ATP13A3: variants seen among roughly 807,000 people sequenced by gnomAD.
ATP13A3 encodes the protein polyamine-transporting ATPase 13A3.
A neutral mutation model predicts 158.1 loss-of-function variants in ATP13A3; 59 were observed. The ratio of observed to expected loss-of-function variants is 0.37; its 90% CI spans 0.30 to 0.46. The LOEUF (loss-of-function observed/expected upper bound fraction) is 0.46, where lower values mean the gene tolerates loss of function less well. Among genes scored for constraint, ATP13A3 ranks in the 20% least tolerant of loss-of-function variants. The pLI is 1.00. For synonymous variants in ATP13A3, 491 were observed against 504.3 expected (o/e 0.97, Z 0.35); for missense variants, 1,166 against 1,525.2 (o/e 0.76, Z 3.92).
chr3:194,489,273 A>C (rs554824121), upstream of ATP13A3, among the ~76,000 whole-genome samples: 1 of 152,316 alleles, frequency 6.6e-6, no homozygotes, highest in East Asian at 1.9e-4. This position sits in a 1 kb window ranked among gnomAD's most constrained non-coding sequence, Gnocchi z 4.1. Flanking sequence ...GTGAAACCTC[A>C]TCTCTACTAA....
chr3:194,486,061 C>T (rs1720953646), intron 1 of ATP13A3, among the ~76,000 whole-genome samples: 1 of 152,186 alleles, frequency 6.6e-6, no homozygotes, highest in African/African-American at 2.4e-5. Context: ...ACTGCTAGGG[C>T]AAAGGGCCCT....
Position 194,431,014 on chromosome 3 carries a change from C to T in ATP13A3, c.2553G>A (p.Leu851=), listed in dbSNP as rs745919885. The T allele has an allele frequency of 6.2e-7, 1 of 1,613,394 alleles. No individual in the cohort carries two copies. Among genetic ancestry groups the T allele is most frequent in the Non-Finnish European group, 8.5e-7 (1 of 1,179,636 alleles). The change falls in exon 24 of 34, where the codon TTG becomes TTA. Residue 851 remains leucine (L), a synonymous_variant. Coordinates refer to ENST00000645319, the MANE Select transcript of ATP13A3 (RefSeq NM_001367549.1). The stretch of plus-strand genomic sequence containing the variant: ...CCATACGGGCAAACACGGTGCCATG[C>T]AACATCAACTGGAAACAATAATACA... The part of the protein sequence containing the change: ...HFQDLVPKLM[L]HGTVFARMAP...
At chr3:194,445,563 T>A in intron 14 of ATP13A3, among the ~76,000 whole-genome samples, 1 of 152,198 alleles carries the variant, frequency 6.6e-6, no homozygotes. Context: ...AATGAGTGTT[T>A]ATTATACACA....
At chr3:194,446,774 T>G (rs878879095) in intron 14 of ATP13A3, among the ~76,000 whole-genome samples, 153 bp downstream of exon 14, 2 of 152,040 alleles carry the variant, frequency 1.3e-5, no homozygotes, top group South Asian at 4.2e-4. Context: ...TATAGAAAAA[T>G]GATGCATATA....
At chr3:194,410,776 A>G (rs1219021839) in intron 33 of ATP13A3, among the ~76,000 whole-genome samples, 1 of 152,150 alleles carries the variant, frequency 6.6e-6, no homozygotes, top group Non-Finnish European at 1.5e-5. Flanking sequence ...CAATAGTCAG[A>G]GATCTCTTGG....
At chr3:194,493,832 G>A (rs1159094136) in intron 2 of ATP13A3, among the ~76,000 whole-genome samples, 1 of 152,036 alleles carries the variant, frequency 6.6e-6, no homozygotes, top group Non-Finnish European at 1.5e-5. Flanking sequence ...AAGTAGTAGT[G>A]ACTATTCTGT....
At position 194,403,957 on chromosome 3, in the gene ATP13A3, C is replaced by G; in HGVS notation, c.*1962G>C. On this transcript the variant is annotated 3_prime_UTR_variant, in exon 34 of 34. Transcript: ENST00000645319. ...AAAAATAGCTCTTTATGATCATGCT[C>G]TTAAAGATGTTAAATACAATCGGAT... 1 of 348,572 alleles carries G rather than the reference C, an allele frequency of 2.9e-6. No individual in the cohort carries two copies. Among genetic ancestry groups the G allele is most frequent in the African/African-American group, 2.2e-5 (1 of 45,816 alleles). 21.6% of individuals were successfully genotyped at this position (348,572 alleles called of 1,614,324 possible). A position where few individuals can be genotyped will look rare whatever the true frequency, so the allele number is the denominator to read the frequency against.
At chr3:194,472,964 CAT>C (rs969650313) in intron 2 of ATP13A3, among the ~76,000 whole-genome samples, 21 of 151,822 alleles carry the variant, frequency 1.4e-4, no homozygotes, top group African/African-American at 4.8e-4. Flanking sequence ...TATACATAGA[CAT>C]AAAGATGGGG....
intron 31 of ATP13A3, among the ~76,000 whole-genome samples, chr3:194,417,901 C>G (rs922299577): frequency 6.7e-6 from 1 of 148,628 alleles, no homozygotes; most frequent in East Asian, 2.0e-4. Context: ...GTCGAGGCCA[C>G]AGTGAGCTGA....
intron 2 of ATP13A3, among the ~76,000 whole-genome samples, chr3:194,469,384 C>T (rs1407370245): frequency 6.6e-6 from 1 of 151,672 alleles, no homozygotes. Flanking sequence ...TGCTTGAACC[C>T]AGGAGGCGGA....
intron 17 of ATP13A3, 69 bp downstream of exon 17, chr3:194,438,787 A>G: frequency 9.1e-7 from 1 of 1,095,628 alleles, no homozygotes; most frequent in Non-Finnish European, 1.3e-6. Context: ...AAAAATAAAA[A>G]TTGAAAAAAA....
chr3:194,464,321 C>T (rs1046509593), intron 2 of ATP13A3, among the ~76,000 whole-genome samples: 3 of 152,082 alleles, frequency 2.0e-5, no homozygotes, highest in Non-Finnish European at 2.9e-5. Flanking sequence ...AAGGAGAAAC[C>T]TTACACACTA....
chr3:194,406,802 A>C (rs1714971372), intron 33 of ATP13A3, among the ~76,000 whole-genome samples: 1 of 152,196 alleles, frequency 6.6e-6, no homozygotes, highest in Non-Finnish European at 1.5e-5. Flanking sequence ...TTAGGGCTTC[A>C]ATCATGTTTA....
intron 29 of ATP13A3, 100 bp downstream of exon 29, chr3:194,426,975 G>A (rs570454215): frequency 2.1e-5 from 27 of 1,303,104 alleles, no homozygotes; most frequent in East Asian, 1.3e-4. Context: ...GTGAGCCACC[G>A]CACCTGGCAC....
rs1030651849 is a variant in ATP13A3, at chr3:194,403,506, T to A, written c.*2413A>T. The A allele has an allele frequency of 6.6e-6, 1 of 152,248 alleles. No homozygotes were observed. The highest frequency in any genetic ancestry group is 1.5e-5 in the Non-Finnish European group (1 of 68,046). The allele number at this position is 152,248 out of a possible 1,614,324, so 9.4% of individuals were successfully genotyped here. On this transcript the variant is annotated 3_prime_UTR_variant, in exon 34 of 34. Transcript: ENST00000645319. ...TTATTTAAAAAGTTAAAAAGTTACA[T>A]ATCATTATTTAACAATTACTTTCCC... is the stretch of plus-strand genomic sequence containing the variant.
chr3:194,421,116 ATATATATATATATATATATAG>A (rs1350471540), intron 30 of ATP13A3, among the ~76,000 whole-genome samples: 2 of 16,230 alleles, frequency 1.2e-4, no homozygotes, highest in Non-Finnish European at 2.0e-4. Context: ...TGTAGGGTGT[ATATATATATATATATATATAG>A]TATATATATA....
intron 2 of ATP13A3, among the ~76,000 whole-genome samples, chr3:194,470,840 G>A (rs1720268127): frequency 6.6e-6 from 1 of 152,116 alleles, no homozygotes; most frequent in African/African-American, 2.4e-5. Context: ...GAAAAATGCT[G>A]CGGCAGGCAA....
At position 194,419,816 on chromosome 3, in the gene ATP13A3, GA is replaced by G; in HGVS notation, c.3402+62del. ...GAATACACAAAAAGAAGAGATCCTG[GA>G]AAAAAAGAAATGTATACAGGTTAGT... On this transcript the variant is annotated intron_variant, in intron 31 of 33. Coordinates refer to ENST00000645319, the MANE Select transcript of ATP13A3 (RefSeq NM_001367549.1). 6 of 1,516,296 alleles carry G rather than the reference GA, an allele frequency of 4.0e-6. No individual in the cohort carries two copies. The Admixed American group carries it at 7.9e-5, about 20-fold the overall frequency. 93.9% of individuals were successfully genotyped at this position (1,516,296 alleles called of 1,614,324 possible). A position where few individuals can be genotyped will look rare whatever the true frequency, so the allele number is the denominator to read the frequency against.
intron 6 of ATP13A3, among the ~76,000 whole-genome samples, chr3:194,457,843 T>C (rs928194258): frequency 6.7e-6 from 1 of 150,292 alleles, no homozygotes; most frequent in South Asian, 2.1e-4. Flanking sequence ...TGGAGTGCAG[T>C]GGCACAATCT....
Sources: allele counts gnomAD v4.1 joint callset (sites outside exome capture counted in the v4.1 genomes callset), GRCh38; gene constraint gnomAD v4.1.1; non-coding constraint Gnocchi (gnomAD v3.1); transcripts MANE v1.5; gene names NCBI Gene and HGNC (gene_info 2026-07-23, HGNC 2026-07-21).